The following BAZ2A variants were observed in gnomAD, a reference collection of about 807,000 sequenced individuals.
BAZ2A encodes the protein bromodomain adjacent to zinc finger domain protein 2A.
Under a neutral mutation model 199.9 loss-of-function variants are expected in BAZ2A, and 34 were observed. The observed-to-expected ratio is 0.17, with a 90% CI of 0.13 to 0.23. The LOEUF (loss-of-function observed/expected upper bound fraction) is 0.23, where lower values mean the gene tolerates loss of function less well. Among genes scored for constraint, BAZ2A ranks in the 10% least tolerant of loss-of-function variants. The pLI is 1.00. For synonymous variants in BAZ2A, 857 were observed against 883.9 expected (o/e 0.97, Z 0.54); for missense variants, 2,002 against 2,391.1 (o/e 0.84, Z 3.39).
chr12:56,604,545 G>T, intron 15 of BAZ2A, 40 bp downstream of exon 15: 1 of 1,528,474 alleles, frequency 6.5e-7, no homozygotes, highest in Non-Finnish European at 8.8e-7. Flanking sequence ...CCATTCTGAT[G>T]CAAGGGATAC....
At position 56,599,984 on chromosome 12, in the gene BAZ2A, C is replaced by A; in HGVS notation, c.5005G>T (p.Glu1669Ter). The change falls in exon 25 of 29, where the codon GAG becomes TAG. Residue 1669 changes from glutamate (E) to a stop codon, truncating the protein, a stop_gained. Coordinates refer to ENST00000549884, the MANE Select transcript of BAZ2A (RefSeq NM_001300905.2). LOFTEE classifies it high-confidence loss of function. ...CTTACCACTTTGTTGACAGACTTCT[C>A]CCAGGCAATGGACCTCTCCAGCTGG... ...LGQLERSIAW[E>*]KSVNKVTCLV... 1 of 1,614,020 alleles carries A rather than the reference C, an allele frequency of 6.2e-7. No individual in the cohort carries two copies. Among genetic ancestry groups the A allele is most frequent in the Non-Finnish European group, 8.5e-7 (1 of 1,179,896 alleles).
rs1950220222 is a variant in BAZ2A, at chr12:56,602,810, A to T, written c.3327T>A (p.Leu1109=). The stretch of plus-strand genomic sequence containing the variant: ...GGTCCTGACCCAGGGAGACCGCCCG[A>T]AGCATCTGGGATGAGTGAAGCAGCT... The part of the protein sequence containing the change: ...RKKLLHSSQM[L]RAVSLGQDRY... Residue 1109 remains leucine (L), a synonymous_variant, in exon 19 of 29, where the codon CTT becomes CTA. Coordinates refer to ENST00000549884, the MANE Select transcript of BAZ2A (RefSeq NM_001300905.2). 4 of 1,613,836 alleles carry T rather than the reference A, an allele frequency of 2.5e-6. No individual in the cohort carries two copies. In the African/African-American group the frequency reaches 5.3e-5, roughly 22 times the overall value.
chr12:56,617,182 C>G (rs1305681274), intron 2 of BAZ2A, among the ~76,000 whole-genome samples: 2 of 152,166 alleles, frequency 1.3e-5, no homozygotes, highest in Non-Finnish European at 2.9e-5. Flanking sequence ...ACAGGGCTGA[C>G]AGAAGAACAG....
upstream of BAZ2A, among the ~76,000 whole-genome samples, chr12:56,632,671 T>G (rs780202501): frequency 6.6e-6 from 1 of 152,072 alleles, no homozygotes; most frequent in Non-Finnish European, 1.5e-5. Flanking sequence ...CACTTGGGAT[T>G]AGAAAAGAAA....
At chr12:56,609,638 T>C in intron 10 of BAZ2A, 98 bp downstream of exon 10, 2 of 1,257,702 alleles carry the variant, frequency 1.6e-6, no homozygotes, top group East Asian at 5.0e-5. Context: ...CAGATAATGT[T>C]AGTTACACTC....
intron 13 of BAZ2A, 24 bp from the exon 14 acceptor site, chr12:56,605,351 G>T: frequency 6.3e-7 from 1 of 1,586,718 alleles, no homozygotes; most frequent in South Asian, 1.1e-5. Context: ...AGTGAGTAGA[G>T]AGTTCTGTTA....
In BAZ2A at chr12:56,615,249, C is replaced by T. The variant is rs755166355; in HGVS notation, c.495G>A (p.Leu165=). 5 of 1,613,830 alleles carry T rather than the reference C, an allele frequency of 3.1e-6. No individual in the cohort carries two copies. Among genetic ancestry groups the T allele is most frequent in the African/African-American group, 1.3e-5 (1 of 74,910 alleles). The change falls in exon 3 of 29, where the codon CTG becomes CTA. Residue 165 remains leucine (L), a synonymous_variant. Coordinates refer to ENST00000549884, the MANE Select transcript of BAZ2A (RefSeq NM_001300905.2). ...PMGLNFDSQE[L]YDSFPDQNFE... ...AATTCTGGTCAGGAAAGGAATCATACAGTTCTTGTGAATCAAAGTTAAGCC... is the reference window on the plus strand; with the variant it reads ...AATTCTGGTCAGGAAAGGAATCATATAGTTCTTGTGAATCAAAGTTAAGCC...
chr12:56,601,811 G>A lies in BAZ2A; in HGVS notation c.3806C>T (p.Ser1269Phe), dbSNP rs772467811. 10 of 1,613,882 alleles carry A rather than the reference G, an allele frequency of 6.2e-6. No individual in the cohort carries two copies. The African/African-American group carries it at 1.3e-4, about 22-fold the overall frequency. ...ATGGCTCTGAGTCTGGCTCAGCCAA[G>A]ACAGGAAGGCTGACTGGCTGAGGTC... ...QHDLSQSAFL[S>F]WLSQTQSHSS... Residue 1269 changes from serine to phenylalanine, a missense_variant, in exon 20 of 29, where the codon TCT becomes TTT. Physicochemically the swap from Ser to Phe is radical, Grantham distance 155. This residue lies in a region of BAZ2A where 1,081 missense variants were observed against 1,274.7 expected (regional missense o/e 0.85). Coordinates refer to ENST00000549884, the MANE Select transcript of BAZ2A (RefSeq NM_001300905.2).
chr12:56,612,290 C>T lies in BAZ2A; in HGVS notation c.1136-44G>A, dbSNP rs775898869. ...GGATAGGCTTTAAAAAAAAAAAAGG[C>T]ATCACATAAAACAAGAGAATCTACT... is the stretch of plus-strand genomic sequence containing the variant. On this transcript the variant is annotated intron_variant, in intron 5 of 28. Coordinates refer to ENST00000549884, the MANE Select transcript of BAZ2A (RefSeq NM_001300905.2). The T allele has an allele frequency of 2.8e-6, 4 of 1,424,152 alleles. No individual in the cohort carries two copies. The Admixed American group carries it at 6.2e-5, about 22-fold the overall frequency. 88.2% of individuals were successfully genotyped at this position (1,424,152 alleles called of 1,614,324 possible).
intron 1 of BAZ2A, among the ~76,000 whole-genome samples, chr12:56,624,607 T>C (rs926715557): frequency 1.4e-5 from 2 of 147,744 alleles, no homozygotes; most frequent in African/African-American, 5.1e-5. Context: ...TCTTACTATT[T>C]TCAGAGAACA....
rs970839663 is a variant in BAZ2A at position 56,615,531 on chromosome 12, A to G, written c.213T>C (p.Ala71=). ...GGTGTGAGGTGCTGGAGGAGTGGGG[A>G]GCAGAGTTCAAAATCCCTGAAGTAG... ...HTTTSGILNS[A]PHSSSTSHLH... Residue 71 remains alanine, a synonymous_variant, in exon 3 of 29, where the codon GCT becomes GCC. Coordinates refer to ENST00000549884, the MANE Select transcript of BAZ2A (RefSeq NM_001300905.2). 6.2e-7 allele frequency: 1 copy of G among 1,613,254 alleles called. No individual in the cohort carries two copies. The highest frequency in any genetic ancestry group is 1.1e-5 in the South Asian group (1 of 91,058).
chr12:56,611,499 A>G, intron 7 of BAZ2A, 74 bp downstream of exon 7: 3 of 1,452,986 alleles, frequency 2.1e-6, no homozygotes, highest in Non-Finnish European at 2.9e-6. Flanking sequence ...AGAGGAAAAG[A>G]GGCATTCCCT....
rs1950686268 is a variant in BAZ2A, at chr12:56,615,411, G to C, written c.333C>G (p.Leu111=). The C allele has an allele frequency of 1.2e-6, 2 of 1,613,472 alleles. No homozygotes were observed. Among genetic ancestry groups the C allele is most frequent in the South Asian group, 1.1e-5 (1 of 91,058 alleles). Reference sequence around the variant, plus strand: ...GGTATTGTCCCCCCGAGAACTGGGAGAGAAGGGGTGGGTCCTTGAGGTTGC... The same window carrying C: ...GGTATTGTCCCCCCGAGAACTGGGACAGAAGGGGTGGGTCCTTGAGGTTGC... ...PGSNLKDPPL[L]SQFSGGQYPL... The change falls in exon 3 of 29, where the codon CTC becomes CTG. Residue 111 remains leucine (L), a synonymous_variant. Coordinates refer to ENST00000549884, the MANE Select transcript of BAZ2A (RefSeq NM_001300905.2).
rs1222956049 is a variant in BAZ2A, at chr12:56,611,874, A to G, written c.1508T>C (p.Phe503Ser). Reference protein sequence around the residue: ...ASPVTSPAAAFPTASPANKDV... With the variant: ...ASPVTSPAAASPTASPANKDV... Reference sequence around the variant, plus strand: ...CTTATTTGCTGGGGAGGCTGTTGGAAAGGCAGCTGCTGGGGAAGTTACGGG... The same window carrying G: ...CTTATTTGCTGGGGAGGCTGTTGGAGAGGCAGCTGCTGGGGAAGTTACGGG... Residue 503 changes from phenylalanine (F) to serine (S), a missense_variant, in exon 6 of 29, where the codon TTT becomes TCT. Coordinates refer to ENST00000549884, the MANE Select transcript of BAZ2A (RefSeq NM_001300905.2). 6.2e-7 allele frequency: 1 copy of G among 1,603,238 alleles called. No homozygotes were observed. The highest frequency in any genetic ancestry group is 1.1e-5 in the South Asian group (1 of 89,972).
chr12:56,619,508 C>CAAAAA (rs397850754), intron 1 of BAZ2A, among the ~76,000 whole-genome samples: 55 of 84,266 alleles, frequency 6.5e-4, no homozygotes, highest in South Asian at 1.3e-3. Flanking sequence ...GACCCTGTCT[C>CAAAAA]AAAAAAAAAA....
chr12:56,595,718 G>A lies in BAZ2A; in HGVS notation c.*2900C>T, dbSNP rs1032745620. On this transcript the variant is annotated 3_prime_UTR_variant, in exon 29 of 29. Coordinates refer to ENST00000549884, the MANE Select transcript of BAZ2A (RefSeq NM_001300905.2). ...GCTGGGGCCACATCTCACAAGGCAGGACCTGGATGCACTGAATCCCCCTTT... is the reference window on the plus strand; with the variant it reads ...GCTGGGGCCACATCTCACAAGGCAGAACCTGGATGCACTGAATCCCCCTTT... 1 of 152,434 alleles carries A rather than the reference G, an allele frequency of 6.6e-6. No individual in the cohort carries two copies. The highest frequency in any genetic ancestry group is 2.4e-5 in the African/African-American group (1 of 41,410). 9.4% of individuals were successfully genotyped at this position (152,434 alleles called of 1,614,324 possible).
At position 56,599,761 on chromosome 12, in the gene BAZ2A, G is replaced by A. The variant is rs1186824751; in HGVS notation, c.5113C>T (p.Arg1705Cys). 6 of 1,613,844 alleles carry A rather than the reference G, an allele frequency of 3.7e-6. No individual in the cohort carries two copies. Among genetic ancestry groups the A allele is most frequent in the Admixed American group, 1.7e-5 (1 of 60,006 alleles). Reference sequence around the variant, plus strand: ...TCTGGGACAGCCTCCATCTTGGGACGATGGCAGTAAATGTGGCAGCCACGG... The same window carrying A: ...TCTGGGACAGCCTCCATCTTGGGACAATGGCAGTAAATGTGGCAGCCACGG... ...CDRGCHIYCH[R>C]PKMEAVPEGD... Residue 1705 changes from arginine (R) to cysteine (C), a missense_variant, in exon 26 of 29, where the codon CGT (arginine) becomes TGT (cysteine). Arg to Cys is a radical substitution (Grantham distance 180, BLOSUM62 -3). Transcript: ENST00000549884.
chr12:56,633,146 T>C (rs115324045), upstream of BAZ2A, among the ~76,000 whole-genome samples: 3 of 152,154 alleles, frequency 2.0e-5, no homozygotes, highest in African/African-American at 7.2e-5. Context: ...TGCACCCCCT[T>C]TCTCACCCTC....
At chr12:56,619,378 C>T (rs1054861422) in intron 1 of BAZ2A, among the ~76,000 whole-genome samples, 6 of 149,988 alleles carry the variant, frequency 4.0e-5, no homozygotes, top group African/African-American at 1.5e-4. Flanking sequence ...TGTGGTGGGG[C>T]ACACCTGTGG....
Sources: allele counts gnomAD v4.1 joint callset (sites outside exome capture counted in the v4.1 genomes callset), GRCh38; gene constraint gnomAD v4.1.1; regional missense constraint gnomAD v4.1.1; transcripts MANE v1.5; gene names NCBI Gene and HGNC (gene_info 2026-07-23, HGNC 2026-07-21).